SLC30A6: variants seen among roughly 807,000 people sequenced by gnomAD.
The protein encoded by SLC30A6 is solute carrier family 30 member 6.
In SLC30A6, 55 loss-of-function variants were observed where a neutral mutation model predicts 63.0. The observed-to-expected ratio is 0.87, with a 90% CI of 0.70 to 1.09. SLC30A6 has a LOEUF of 1.09. Among genes scored for constraint, SLC30A6 ranks in the 50% least tolerant of loss-of-function variants. The probability of loss-of-function intolerance (pLI) is 0.00; values close to 1 mark genes in which losing one functional copy is unlikely to be tolerated. For synonymous variants in SLC30A6, 224 were observed against 186.1 expected, an observed-to-expected ratio of 1.20 and a Z score of -1.66; for missense variants, 587 against 549.2, an observed-to-expected ratio of 1.07 and a Z score of -0.69.
At position 32,192,766 on chromosome 2, in the gene SLC30A6, TTA is replaced by T. The variant is rs1269766438; in HGVS notation, c.366-150_366-149del. The T allele has an allele frequency of 7.9e-6, 4 of 507,972 alleles. No homozygotes were observed. In the East Asian group the frequency reaches 9.9e-5, roughly 13 times the overall value. The allele number at this position is 507,972 out of a possible 1,614,324, so 31.5% of individuals were successfully genotyped here. On this transcript the variant is annotated intron_variant, in intron 6 of 13. Transcript: ENST00000282587. ...AAAGAAAACAACTAAAAAGGATAAT[TTA>T]TGAGTCTCCTTGCCTCATCACTGCT... is the stretch of plus-strand genomic sequence containing the variant.
intron 4 of SLC30A6, among the ~76,000 whole-genome samples, chr2:32,179,372 A>G (rs950963144): frequency 6.6e-6 from 1 of 152,216 alleles, no homozygotes; most frequent in Admixed American, 6.6e-5. Context: ...CAATCAGTAT[A>G]TGAATGATGA....
intron 1 of SLC30A6, among the ~76,000 whole-genome samples, chr2:32,169,980 T>C (rs1681049934): frequency 6.6e-6 from 1 of 152,202 alleles, no homozygotes; most frequent in East Asian, 1.9e-4. Context: ...TGGAAGCTCA[T>C]TGTGTATAGA....
intron 10 of SLC30A6, among the ~76,000 whole-genome samples, 181 bp downstream of exon 10, chr2:32,198,007 T>C (rs1202571394): frequency 2.0e-5 from 3 of 152,190 alleles, no homozygotes; most frequent in Non-Finnish European, 4.4e-5. Context: ...GTTCAATAAG[T>C]ATTTCTTACC....
intron 13 of SLC30A6, among the ~76,000 whole-genome samples, chr2:32,210,071 A>G (rs147133132): frequency 3.3e-5 from 5 of 152,358 alleles, no homozygotes; most frequent in African/African-American, 7.2e-5. Flanking sequence ...TTGAACCTCA[A>G]TACCAGAGAG....
At chr2:32,192,532 G>A (rs936653357) in intron 6 of SLC30A6, 116 bp downstream of exon 6, 1 of 798,416 alleles carries the variant, frequency 1.3e-6, no homozygotes, top group African/African-American at 1.8e-5. Flanking sequence ...AGCAGGGCTG[G>A]AGTTTTGATA....
intron 13 of SLC30A6, among the ~76,000 whole-genome samples, chr2:32,214,154 C>G (rs1685506526): frequency 2.0e-5 from 3 of 152,036 alleles, no homozygotes; most frequent in Admixed American, 2.0e-4. Context: ...CCAGGCTGGT[C>G]TCGAACTCCT....
At chr2:32,177,505 TG>T in intron 4 of SLC30A6, 2 of 247,106 alleles carry the variant, frequency 8.1e-6, no homozygotes, top group South Asian at 3.3e-5. Context: ...TTGGCTGGGC[TG>T]GTCTCAAACT....
At chr2:32,168,016 C>T (rs1680836081) in intron 1 of SLC30A6, among the ~76,000 whole-genome samples, 1 of 152,164 alleles carries the variant, frequency 6.6e-6, no homozygotes, top group Admixed American at 6.5e-5. Context: ...GCGTGCCTGG[C>T]CCAGAGGAAG....
intron 5 of SLC30A6, 29 bp downstream of exon 5, chr2:32,184,367 A>G: frequency 2.3e-6 from 3 of 1,303,384 alleles, no homozygotes; most frequent in Non-Finnish European, 2.1e-6. Flanking sequence ...ATTTTCTGCT[A>G]ACTTATGACT....
intron 4 of SLC30A6, among the ~76,000 whole-genome samples, chr2:32,176,286 G>T (rs369514697): frequency 1.3e-5 from 2 of 152,160 alleles, no homozygotes; most frequent in African/African-American, 4.8e-5. Flanking sequence ...TGCCTGTCAC[G>T]TTGGGAAAGC....
chr2:32,180,354 T>C (rs1462344967), intron 4 of SLC30A6, among the ~76,000 whole-genome samples: 2 of 151,424 alleles, frequency 1.3e-5, no homozygotes, highest in African/African-American at 4.9e-5. Context: ...CAGTGAGCTA[T>C]GATTGCACCA....
intron 5 of SLC30A6, chr2:32,187,134 CA>C (rs1682906197): frequency 4.3e-6 from 2 of 470,160 alleles, no homozygotes; most frequent in Non-Finnish European, 8.8e-6. Context: ...AGGACATTGT[CA>C]TTTTTTTGCC....
chr2:32,206,294 AAATT>A (rs1316035462), intron 11 of SLC30A6, among the ~76,000 whole-genome samples: 1 of 151,974 alleles, frequency 6.6e-6, no homozygotes, highest in African/African-American at 2.4e-5. Context: ...AAAATGCAAA[AAATT>A]AGCCGGGCAT....
chr2:32,176,682 A>G (rs1388105697), intron 4 of SLC30A6, among the ~76,000 whole-genome samples: 1 of 151,922 alleles, frequency 6.6e-6, no homozygotes, highest in Non-Finnish European at 1.5e-5. Context: ...CTTTATTGAG[A>G]TACTATAATT....
intron 10 of SLC30A6, chr2:32,203,394 G>A: frequency 8.7e-7 from 1 of 1,143,566 alleles, no homozygotes; most frequent in Admixed American, 1.7e-5. Flanking sequence ...GATGCCATAA[G>A]GTCTCTGGCT....
intron 4 of SLC30A6, among the ~76,000 whole-genome samples, chr2:32,178,962 C>G (rs768365225): frequency 1.7e-4 from 26 of 152,168 alleles, no homozygotes; most frequent in Non-Finnish European, 2.9e-4. Context: ...CGCCTGAGCT[C>G]AAATGATCCA....
intron 7 of SLC30A6, 149 bp downstream of exon 7, chr2:32,193,102 A>G: frequency 2.0e-6 from 1 of 490,004 alleles, no homozygotes; most frequent in Non-Finnish European, 3.6e-6. Flanking sequence ...TAATACTAAG[A>G]CTCCGTTTCT....
intron 3 of SLC30A6, 88 bp downstream of exon 3, chr2:32,174,235 T>TA: frequency 1.1e-6 from 1 of 944,896 alleles, no homozygotes. Flanking sequence ...ATAGAATATA[T>TA]TATTCTGAAA....
chr2:32,214,187 G>A lies in SLC30A6; in HGVS notation c.885+4626G>A, dbSNP rs142630109. Among the ~76,000 whole-genome samples the A allele has an allele frequency of 6.3e-3, 958 of 152,034 alleles. 6 individuals carry two copies. Among genetic ancestry groups the A allele is most frequent in the Middle Eastern group, 0.055 (16 of 292 alleles). ...CCTGATCTTGTGATCTGCCCGCCTC[G>A]GCCTCCCAAAGTGCTGGGATTATAG... On this transcript the variant is annotated intron_variant, in intron 13 of 13. Coordinates refer to ENST00000282587, the MANE Select transcript of SLC30A6 (RefSeq NM_017964.5).
Sources: gnomAD v4.1 joint callset for allele counts (sites outside exome capture counted in the v4.1 genomes callset) on GRCh38, gnomAD v4.1.1 for gene constraint, MANE v1.5 for transcripts, NCBI Gene and HGNC (gene_info 2026-07-23, HGNC 2026-07-21) for gene names.